The following RMST variants were observed in gnomAD, a reference collection of about 807,000 sequenced individuals.
The protein encoded by RMST is long intergenic non-protein coding RNA 54.
At chr12:97,541,872 TA>T (rs1457762298) in intron 11 of RMST, among the ~76,000 whole-genome samples, 5 of 151,910 alleles carry the variant, frequency 3.3e-5, no homozygotes, top group African/African-American at 9.7e-5. Context: ...GTATGTCAGC[TA>T]TTGAAAAGGC....
At chr12:97,527,743 T>A (rs1881254464) in intron 10 of RMST, among the ~76,000 whole-genome samples, 1 of 152,174 alleles carries the variant, frequency 6.6e-6, no homozygotes, top group Admixed American at 6.5e-5. Context: ...GTCCTCCATA[T>A]CTATTGTTTT....
chr12:97,463,596 A>G (rs1872836163), intron 4 of RMST, among the ~76,000 whole-genome samples: 1 of 152,212 alleles, frequency 6.6e-6, no homozygotes, highest in Non-Finnish European at 1.5e-5. Context: ...GCAACGTAGA[A>G]GAGCATATGG....
chr12:97,507,566 G>A (rs1272199766), intron 10 of RMST, among the ~76,000 whole-genome samples: 2 of 152,164 alleles, frequency 1.3e-5, no homozygotes, highest in Non-Finnish European at 2.9e-5. Context: ...AAATACCACA[G>A]TGGATGGTCG....
At chr12:97,546,551 C>G (rs945995924) in intron 11 of RMST, among the ~76,000 whole-genome samples, 3 of 151,968 alleles carry the variant, frequency 2.0e-5, no homozygotes, top group African/African-American at 7.3e-5. Context: ...CACTGCACTC[C>G]AGCCTGGGTG....
chr12:97,528,452 T>C (rs532798199), intron 10 of RMST, among the ~76,000 whole-genome samples: 4 of 152,270 alleles, frequency 2.6e-5, no homozygotes, highest in African/African-American at 7.2e-5. Context: ...TAGCATTATT[T>C]TATTCTCTGG....
chr12:97,463,366 G>T (rs1776309506), intron 4 of RMST: 1 of 152,240 alleles, frequency 6.6e-6, no homozygotes, highest in Non-Finnish European at 1.5e-5. Context: ...AGCAACTCTG[G>T]ATAGGGAAAT....
At chr12:97,535,026 T>C (rs1881962133) in intron 11 of RMST, among the ~76,000 whole-genome samples, 1 of 151,702 alleles carries the variant, frequency 6.6e-6, no homozygotes, top group Admixed American at 6.6e-5. Flanking sequence ...TCTAGGTTTT[T>C]TTAAAAAAAT....
chr12:97,480,239 A>G (rs529539703), intron 5 of RMST, among the ~76,000 whole-genome samples: 1 of 151,548 alleles, frequency 6.6e-6, no homozygotes, highest in Non-Finnish European at 1.5e-5. Flanking sequence ...ACAGGCGCCC[A>G]CCACCACGCC....
At chr12:97,472,291 A>G (rs1233938332) in intron 5 of RMST, among the ~76,000 whole-genome samples, 1 of 152,152 alleles carries the variant, frequency 6.6e-6, no homozygotes, top group Admixed American at 6.6e-5. Flanking sequence ...TACTTACGTA[A>G]TGGAAACGGG....
intron 5 of RMST, among the ~76,000 whole-genome samples, chr12:97,468,473 G>A (rs937559215): frequency 4.6e-5 from 7 of 152,040 alleles, no homozygotes; most frequent in South Asian, 2.1e-4. Context: ...TCTCTAAGCT[G>A]TTCATTCATG....
At chr12:97,486,603 G>T (rs1278770783) in intron 5 of RMST, among the ~76,000 whole-genome samples, 1 of 152,024 alleles carries the variant, frequency 6.6e-6, no homozygotes, top group Non-Finnish European at 1.5e-5. Flanking sequence ...CATTCATTCT[G>T]GAATATTAAA....
At chr12:97,559,088 TTCTCTCTCTCTCTC>T (rs56136727) in intron 11 of RMST, among the ~76,000 whole-genome samples, 9 of 146,564 alleles carry the variant, frequency 6.1e-5, no homozygotes, top group Admixed American at 4.8e-4. Context: ...ATTTCGAGGT[TTCTCTCTCTCTCTC>T]TCTCTCTCTC....
intron 11 of RMST, among the ~76,000 whole-genome samples, chr12:97,553,163 G>A (rs971367058): frequency 2.0e-5 from 3 of 152,136 alleles, no homozygotes; most frequent in Non-Finnish European, 2.9e-5. Context: ...AATGGTTTAT[G>A]TGCTAAACCC....
intron 11 of RMST, among the ~76,000 whole-genome samples, chr12:97,542,209 G>A (rs1010560550): frequency 5.9e-5 from 9 of 151,790 alleles, no homozygotes; most frequent in African/African-American, 2.2e-4. Flanking sequence ...AAATTGAGTT[G>A]ATCATAAGAT....
chr12:97,471,250 C>T (rs1183786169), intron 5 of RMST, among the ~76,000 whole-genome samples: 1 of 152,040 alleles, frequency 6.6e-6, no homozygotes, highest in African/African-American at 2.4e-5. Context: ...ATTACTTTTG[C>T]ATAATATATG....
intron 11 of RMST, among the ~76,000 whole-genome samples, chr12:97,549,939 T>C (rs1262736767): frequency 6.6e-6 from 1 of 152,246 alleles, no homozygotes; most frequent in East Asian, 1.9e-4. Context: ...CAAATACCTA[T>C]AGAATTCGGT....
rs116399031 is a variant in RMST, at chr12:97,496,426, G to A, written n.1340+370G>A. 3.0e-3 allele frequency among the ~76,000 whole-genome samples: 458 copies of A among 152,156 alleles called. 2 individuals carry two copies. The highest frequency in any genetic ancestry group is 0.011 in the African/African-American group (446 of 41,498). On this transcript the variant is annotated intron_variant and non_coding_transcript_variant, in intron 10 of 13. Coordinates refer to ENST00000640149, the Ensembl canonical transcript of RMST. ...AAAAAAAATCCCATTAAATATACAT[G>A]TTTGTGAAGTACCTCAAACATATAT... is the stretch of plus-strand genomic sequence containing the variant.
intron 10 of RMST, among the ~76,000 whole-genome samples, chr12:97,520,012 A>G (rs1363007927): frequency 6.6e-6 from 1 of 152,190 alleles, no homozygotes; most frequent in African/African-American, 2.4e-5. Flanking sequence ...AGGAACAGGA[A>G]ATTTTGCACT....
chr12:97,556,817 A>T (rs1486348182), intron 11 of RMST, among the ~76,000 whole-genome samples: 1 of 152,176 alleles, frequency 6.6e-6, no homozygotes, highest in Non-Finnish European at 1.5e-5. Context: ...ATCAAGTTTG[A>T]TCGTCATAAG....
Sources: gnomAD v4.1 joint callset for allele counts (sites outside exome capture counted in the v4.1 genomes callset) on GRCh38, gnomAD v4.1.1 for gene constraint, MANE v1.5 for transcripts, NCBI Gene and HGNC (gene_info 2026-07-23, HGNC 2026-07-21) for gene names.